RANBP17: variants seen among roughly 807,000 people sequenced by gnomAD.
RANBP17 encodes ran-binding protein 17.
A neutral mutation model predicts 141.2 loss-of-function variants in RANBP17; 158 were observed. The ratio of observed to expected loss-of-function variants is 1.12; its 90% CI spans 0.98 to 1.28. The LOEUF (loss-of-function observed/expected upper bound fraction) is 1.28. RANBP17 is among the 50% of genes most tolerant of loss of function. RANBP17 has a pLI of 0.00. For missense variants in RANBP17, 1,438 were observed against 1,290.7 expected (o/e 1.11, Z -1.75); for synonymous variants, 430 against 450.0 (o/e 0.96, Z 0.56).
chr5:171,136,892 C>A (rs1464905549), intron 14 of RANBP17, among the ~76,000 whole-genome samples: 1 of 151,830 alleles, frequency 6.6e-6, no homozygotes, highest in Non-Finnish European at 1.5e-5. Context: ...CCTAGAGTAA[C>A]TCTTCATTTT....
At chr5:171,129,677 G>C (rs1201182435) in intron 14 of RANBP17, among the ~76,000 whole-genome samples, 2 of 152,172 alleles carry the variant, frequency 1.3e-5, no homozygotes, top group African/African-American at 4.8e-5. Flanking sequence ...TTATGTCACA[G>C]AAATAAATTA....
chr5:170,950,157 C>T (rs1332206559), intron 12 of RANBP17, among the ~76,000 whole-genome samples: 1 of 152,032 alleles, frequency 6.6e-6, no homozygotes, highest in Non-Finnish European at 1.5e-5. Flanking sequence ...CATGGGGAGA[C>T]ACTTCAGGAC....
chr5:171,138,300 A>C (rs1249575880), intron 14 of RANBP17, among the ~76,000 whole-genome samples: 1 of 152,186 alleles, frequency 6.6e-6, no homozygotes, highest in African/African-American at 2.4e-5. Context: ...CCAGAAATGT[A>C]AGCAGAGATA....
At chr5:171,079,716 G>T (rs969325728) in intron 14 of RANBP17, among the ~76,000 whole-genome samples, 12 of 152,112 alleles carry the variant, frequency 7.9e-5, no homozygotes, top group African/African-American at 2.7e-4. Context: ...TTTAATTAAG[G>T]TGTATACATT....
intron 14 of RANBP17, among the ~76,000 whole-genome samples, chr5:171,072,244 G>A (rs1326088392): frequency 6.6e-6 from 1 of 152,070 alleles, no homozygotes; most frequent in African/African-American, 2.4e-5. Flanking sequence ...GCTAGAAAAA[G>A]CATGGAAATG....
intron 14 of RANBP17, among the ~76,000 whole-genome samples, chr5:171,035,573 A>G (rs1345536180): frequency 6.8e-6 from 1 of 147,680 alleles, no homozygotes; most frequent in Non-Finnish European, 1.5e-5. Flanking sequence ...TTTTTTTTTA[A>G]TGATACAGGC....
chr5:171,072,274 A>G (rs895107351), intron 14 of RANBP17, among the ~76,000 whole-genome samples: 2 of 152,162 alleles, frequency 1.3e-5, no homozygotes, highest in African/African-American at 4.8e-5. Flanking sequence ...CTAGAACCTC[A>G]AGAAAGGAAC....
At chr5:170,920,173 G>GTTTCTC (rs1772317221) in intron 11 of RANBP17, among the ~76,000 whole-genome samples, 1 of 152,070 alleles carries the variant, frequency 6.6e-6, no homozygotes, top group Non-Finnish European at 1.5e-5. Flanking sequence ...TGGGTAAATA[G>GTTTCTC]CTAGGTGTGG....
At chr5:171,206,720 G>A (rs1762600097) in intron 20 of RANBP17, 2 of 179,310 alleles carry the variant, frequency 1.1e-5, no homozygotes, top group Non-Finnish European at 2.4e-5. Flanking sequence ...GGGGATCTAG[G>A]CATGTTTTAG....
intron 11 of RANBP17, among the ~76,000 whole-genome samples, chr5:170,922,711 A>G (rs1772571800): frequency 6.6e-6 from 1 of 152,194 alleles, no homozygotes; most frequent in Admixed American, 6.5e-5. Flanking sequence ...CTGTTTCTGC[A>G]GATACAGTCT....
chr5:171,202,997 A>C (rs1029753086), intron 19 of RANBP17, among the ~76,000 whole-genome samples: 2 of 152,112 alleles, frequency 1.3e-5, no homozygotes, highest in Non-Finnish European at 1.5e-5. Flanking sequence ...CATTCGTCTC[A>C]CACTTGGCAC....
At position 171,221,757 on chromosome 5, in the gene RANBP17, G is replaced by T. The variant is rs755753070; in HGVS notation, c.2340-1G>T. The T allele has an allele frequency of 6.3e-7, 1 of 1,593,640 alleles. No individual in the cohort carries two copies. The highest frequency in any genetic ancestry group is 1.1e-5 in the South Asian group (1 of 90,082). On this transcript the variant is annotated splice_acceptor_variant, in intron 21 of 27. Transcript: ENST00000523189. LOFTEE classifies it high-confidence loss of function. ...AGGCAATTTTTTTCTATATTTCTTA[G>T]ATCCCAGCGTTTGAATTTTGATGTA...
intron 16 of RANBP17, among the ~76,000 whole-genome samples, chr5:171,174,458 G>A (rs1581790974): frequency 1.3e-5 from 2 of 152,230 alleles, no homozygotes; most frequent in African/African-American, 4.8e-5. Context: ...GAGAGAATAA[G>A]GGTCATACAG....
chr5:171,088,860 T>C (rs1412075825), intron 14 of RANBP17, among the ~76,000 whole-genome samples: 1 of 152,116 alleles, frequency 6.6e-6, no homozygotes, highest in Admixed American at 6.5e-5. Flanking sequence ...AGTTATACAT[T>C]CATCTAAATT....
At chr5:171,226,207 C>G (rs1763868928) in intron 22 of RANBP17, among the ~76,000 whole-genome samples, 1 of 152,166 alleles carries the variant, frequency 6.6e-6, no homozygotes, top group Non-Finnish European at 1.5e-5. Context: ...ACCTACTTCT[C>G]AGTTTTAAGA....
chr5:171,196,135 A>G (rs1383305245), intron 18 of RANBP17, among the ~76,000 whole-genome samples: 2 of 152,252 alleles, frequency 1.3e-5, no homozygotes, highest in African/African-American at 4.8e-5. Context: ...AGTAAGTCCC[A>G]TAAGAAAAGT....
rs6889516 is a variant in RANBP17, at chr5:170,889,602, A to G, written c.257-2785A>G. ...ATCTTCACATTGCTATGAGAGCCAC[A>G]TCAAGTATTTGATGGGAAGCACTTC... On this transcript the variant is annotated intron_variant, in intron 3 of 27. Transcript: ENST00000523189. Among the ~76,000 whole-genome samples the G allele has an allele frequency of 7.9e-3, 1,202 of 152,314 alleles. 16 individuals carry two copies. The highest frequency in any genetic ancestry group is 0.027 in the African/African-American group (1,143 of 41,574).
intron 22 of RANBP17, among the ~76,000 whole-genome samples, chr5:171,233,184 T>C (rs921880009): frequency 2.0e-4 from 31 of 151,700 alleles, no homozygotes; most frequent in African/African-American, 7.5e-4. Flanking sequence ...TAAAAAAAAT[T>C]AGAAAAGTAA....
At chr5:170,903,513 G>A (rs545992196) in intron 5 of RANBP17, 42 of 197,180 alleles carry the variant, frequency 2.1e-4, no homozygotes, top group South Asian at 1.5e-3. Context: ...GCTGGCTGGC[G>A]TTCCAGGTGC....
Sources: allele counts gnomAD v4.1 joint callset (sites outside exome capture counted in the v4.1 genomes callset), GRCh38; gene constraint gnomAD v4.1.1; transcripts MANE v1.5; gene names NCBI Gene and HGNC (gene_info 2026-07-23, HGNC 2026-07-21).